The following RBM20 variants were observed in gnomAD, a reference collection of about 807,000 sequenced individuals.
RBM20 encodes the protein RNA binding motif protein 20, also known as RNA-binding protein 20.
Under a neutral mutation model 110.1 loss-of-function variants are expected in RBM20, and 51 were observed. That is an observed-to-expected ratio of 0.46 (90% confidence interval 0.37 to 0.59). RBM20 has a LOEUF of 0.59. Ranked by LOEUF, RBM20 falls within the 20% of genes least tolerant of loss-of-function variation. The pLI is 0.00. For synonymous variants in RBM20, 589 were observed against 618.2 expected, an observed-to-expected ratio of 0.95 and a Z score of 0.70; for missense variants, 1,512 against 1,574.9, an observed-to-expected ratio of 0.96 and a Z score of 0.68.
rs762069628 is a variant in RBM20, at chr10:110,835,862, C to G, written c.3574-6C>G. ...CCTTCCTCCACTTCCCCTCTTCTTT[C>G]CACAGAAATATTTGTCCCAGCTGGC... On this transcript the variant is annotated splice_polypyrimidine_tract_variant and splice_region_variant and intron_variant, in intron 13 of 13. Coordinates refer to ENST00000369519, the MANE Select transcript of RBM20 (RefSeq NM_001134363.3). 5.1e-5 allele frequency: 79 copies of G among 1,550,822 alleles called. No homozygotes were observed. In the Middle Eastern group the frequency reaches 2.0e-3, roughly 39 times the overall value.
At position 110,767,102 on chromosome 10, in the gene RBM20, G is replaced by A. The variant is rs1386182765; in HGVS notation, c.192-13699G>A. Among the ~76,000 whole-genome samples, 281 of 113,544 alleles carry A rather than the reference G, an allele frequency of 2.5e-3. 1 individual carries two copies. Among genetic ancestry groups the A allele is most frequent in the East Asian group, 3.2e-3 (12 of 3,710 alleles). The allele number at this position is 113,544 out of a possible 152,430, so 74.5% of individuals were successfully genotyped here. A position where few individuals can be genotyped will look rare whatever the true frequency, so the allele number is the denominator to read the frequency against. On this transcript the variant is annotated intron_variant, in intron 1 of 13. Transcript: ENST00000369519. ...GGGGTGACCCCCCCACCTCCCTCCC[G>A]GACGGGGCGGCTGACCCCCCCCACC... is the stretch of plus-strand genomic sequence containing the variant.
chr10:110,830,980 C>T, intron 12 of RBM20, 81 bp from the exon 13 acceptor site: 2 of 1,408,778 alleles, frequency 1.4e-6, no homozygotes, highest in Non-Finnish European at 1.9e-6. Context: ...GCTCCCATTT[C>T]TACCTGATGG....
intron 5 of RBM20, among the ~76,000 whole-genome samples, chr10:110,790,247 G>C (rs545292552): frequency 1.3e-5 from 2 of 152,250 alleles, no homozygotes; most frequent in South Asian, 4.2e-4. Flanking sequence ...AGAGCGCTCT[G>C]GTCTCCTGAC....
intron 6 of RBM20, among the ~76,000 whole-genome samples, 199 bp from the exon 7 acceptor site, chr10:110,799,588 A>G (rs763043195): frequency 6.6e-6 from 1 of 152,230 alleles, no homozygotes; most frequent in Non-Finnish European, 1.5e-5. Flanking sequence ...GAGCATTTCC[A>G]GAATGTCAGG....
At chr10:110,764,792 C>T (rs1412251565) in intron 1 of RBM20, among the ~76,000 whole-genome samples, 2 of 152,208 alleles carry the variant, frequency 1.3e-5, no homozygotes, top group Non-Finnish European at 2.9e-5. Flanking sequence ...CAGGTCAGCC[C>T]GTCGTGCCAG....
At chr10:110,827,378 A>C (rs948935203) in intron 12 of RBM20, among the ~76,000 whole-genome samples, 76 of 150,652 alleles carry the variant, frequency 5.0e-4, no homozygotes, top group African/African-American at 1.8e-3. Context: ...AGTGAGTGAG[A>C]CCCTGTCTCA....
chr10:110,684,311 T>A (rs993428019), intron 1 of RBM20, among the ~76,000 whole-genome samples: 1 of 152,042 alleles, frequency 6.6e-6, no homozygotes, highest in African/African-American at 2.4e-5. Flanking sequence ...GGAGAATCGT[T>A]TGAACCCGGG....
At chr10:110,816,714 A>G (rs1253514336) in intron 9 of RBM20, among the ~76,000 whole-genome samples, 1 of 152,096 alleles carries the variant, frequency 6.6e-6, no homozygotes, top group East Asian at 1.9e-4. Flanking sequence ...TCCCTAGAGG[A>G]GGGCTTGGCA....
intron 1 of RBM20, among the ~76,000 whole-genome samples, chr10:110,660,055 C>T (rs776145518): frequency 2.0e-5 from 3 of 151,902 alleles, no homozygotes; most frequent in Non-Finnish European, 2.9e-5. Flanking sequence ...TGGGCTCAAG[C>T]GATCATTCTG....
intron 1 of RBM20, among the ~76,000 whole-genome samples, chr10:110,707,059 T>C (rs1862851664): frequency 6.6e-6 from 1 of 152,260 alleles, no homozygotes; most frequent in Admixed American, 6.5e-5. Flanking sequence ...TGTTGCATTT[T>C]AAAGGGGCTA....
rs773977460 is a variant in RBM20 at position 110,781,629 on chromosome 10, T to A, written c.1020T>A (p.Pro340=). The change falls in exon 2 of 14, where the codon CCT becomes CCA. Residue 340 remains proline, a synonymous_variant. Coordinates refer to ENST00000369519, the MANE Select transcript of RBM20 (RefSeq NM_001134363.3). The stretch of plus-strand genomic sequence containing the variant: ...ATCTCACAGCAGGTCCCATGTGGCC[T>A]CCACCCCACAACCAGCCCTATGAGC... ...KPDLTAGPMW[P]PPHNQPYELY... 7.1e-6 allele frequency: 11 copies of A among 1,549,748 alleles called. No individual in the cohort carries two copies. The highest frequency in any genetic ancestry group is 9.6e-6 in the Non-Finnish European group (11 of 1,145,644).
intron 1 of RBM20, among the ~76,000 whole-genome samples, chr10:110,741,989 C>T (rs908694123): frequency 6.6e-6 from 1 of 152,186 alleles, no homozygotes; most frequent in African/African-American, 2.4e-5. Context: ...CCCAGTTTGA[C>T]AGAGGGAGGG....
chr10:110,689,376 A>T (rs867511626), intron 1 of RBM20, among the ~76,000 whole-genome samples: 1 of 152,222 alleles, frequency 6.6e-6, no homozygotes, highest in Non-Finnish European at 1.5e-5. Context: ...ACACATGCAC[A>T]AACAGTATAA....
intron 7 of RBM20, among the ~76,000 whole-genome samples, chr10:110,803,521 C>T (rs538271917): frequency 5.9e-5 from 9 of 152,206 alleles, no homozygotes; most frequent in South Asian, 4.1e-4. Context: ...GTATTTCTAA[C>T]GAGGTCCCAG....
intron 1 of RBM20, among the ~76,000 whole-genome samples, chr10:110,775,241 C>T (rs552114647): frequency 6.6e-6 from 1 of 152,226 alleles, no homozygotes; most frequent in Non-Finnish European, 1.5e-5. Flanking sequence ...ACCTCGATTA[C>T]TTTCTATATT....
intron 1 of RBM20, among the ~76,000 whole-genome samples, chr10:110,688,686 T>C (rs1026204000): frequency 5.3e-5 from 8 of 152,192 alleles, no homozygotes; most frequent in African/African-American, 1.9e-4. Flanking sequence ...ATCAAGCACA[T>C]AGAGTTTCCC....
At chr10:110,730,651 T>C (rs1382267428) in intron 1 of RBM20, among the ~76,000 whole-genome samples, 1 of 152,248 alleles carries the variant, frequency 6.6e-6, no homozygotes, top group Non-Finnish European at 1.5e-5. Context: ...CCTCAGACCA[T>C]GCCAGCATGT....
chr10:110,821,948 C>T lies in RBM20; in HGVS notation c.3316+13C>T, dbSNP rs2135122853. On this transcript the variant is annotated intron_variant, in intron 11 of 13. Coordinates refer to ENST00000369519, the MANE Select transcript of RBM20 (RefSeq NM_001134363.3). ...GTGTTGACCCCGGGTAACTATCTCC[C>T]CTTTCCTCACGGGTGGTCGGGTTGA... The T allele has an allele frequency of 6.4e-7, 1 of 1,551,414 alleles. No individual in the cohort carries two copies. Among genetic ancestry groups the T allele is most frequent in the Non-Finnish European group, 8.7e-7 (1 of 1,146,746 alleles).
chr10:110,658,723 G>A (rs1355101446), intron 1 of RBM20, among the ~76,000 whole-genome samples: 2 of 151,960 alleles, frequency 1.3e-5, no homozygotes, highest in Admixed American at 1.3e-4. Context: ...TTTAGGTTAA[G>A]GTTCAGACTG....
Sources: gnomAD v4.1 joint callset for allele counts (sites outside exome capture counted in the v4.1 genomes callset) on GRCh38, gnomAD v4.1.1 for gene constraint, MANE v1.5 for transcripts, NCBI Gene and HGNC (gene_info 2026-07-23, HGNC 2026-07-21) for gene names.